Variants in ZC3H12D observed in about 807,000 individuals in gnomAD.
ZC3H12D encodes probable ribonuclease ZC3H12D.
ZC3H12D carries 11 observed loss-of-function variants against 24.2 expected under a neutral mutation model. That is an observed-to-expected ratio of 0.46 (90% confidence interval 0.29 to 0.75). ZC3H12D has a LOEUF of 0.75. Among genes scored for constraint, ZC3H12D ranks in the 30% least tolerant of loss-of-function variants. ZC3H12D has a pLI of 0.11. For synonymous variants in ZC3H12D, 333 were observed against 341.8 expected (o/e 0.97, Z 0.28); for missense variants, 740 against 767.7 (o/e 0.96, Z 0.43).
At chr6:149,459,530 G>A (rs548099729) in intron 3 of ZC3H12D, 2 of 713,722 alleles carry the variant, frequency 2.8e-6, no homozygotes, top group East Asian at 2.7e-5. Context: ...GTGGAGGTGG[G>A]AGCCATTGCC....
Position 149,451,013 on chromosome 6 carries a change from G to A in ZC3H12D, c.1254C>T (p.Arg418=). 1.4e-6 allele frequency: 2 copies of A among 1,466,662 alleles called. No individual in the cohort carries two copies. Among genetic ancestry groups the A allele is most frequent in the Non-Finnish European group, 9.0e-7 (1 of 1,115,308 alleles). 90.9% of individuals were successfully genotyped at this position (1,466,662 alleles called of 1,614,324 possible). A position where few individuals can be genotyped will look rare whatever the true frequency, so the allele number is the denominator to read the frequency against. The change falls in exon 6 of 6, where the codon CGC becomes CGT. Residue 418 remains arginine (R), a synonymous_variant. Coordinates refer to ENST00000409806, the MANE Select transcript of ZC3H12D (RefSeq NM_207360.3). Reference sequence around the variant, plus strand: ...GCAAGTCGCCGTGCAGGTCCCTAGGGCGGTGTTCGCCCCGCGGCTGGAGCT... The same window carrying A: ...GCAAGTCGCCGTGCAGGTCCCTAGGACGGTGTTCGCCCCGCGGCTGGAGCT... ...GLQLQPRGEH[R]PRDLHGDLLS...
At chr6:149,454,655 G>A (rs1040950815) in intron 4 of ZC3H12D, among the ~76,000 whole-genome samples, 6 of 152,256 alleles carry the variant, frequency 3.9e-5, no homozygotes, top group Non-Finnish European at 7.3e-5. Context: ...ACAAGCGGGC[G>A]GCAGGTCCTG....
intron 3 of ZC3H12D, among the ~76,000 whole-genome samples, chr6:149,458,936 C>T (rs1276386428): frequency 6.6e-6 from 1 of 152,166 alleles, no homozygotes; most frequent in Non-Finnish European, 1.5e-5. Context: ...GCCCATCTTT[C>T]TGTTGATTCA....
intron 3 of ZC3H12D, among the ~76,000 whole-genome samples, chr6:149,458,122 TC>T (rs1274165430): frequency 1.5e-3 from 167 of 110,088 alleles, no homozygotes; most frequent in East Asian, 9.3e-3. Flanking sequence ...TTTTTTTTTT[TC>T]GTTTCTTTTT....
chr6:149,466,215 C>A (rs1369707841), intron 2 of ZC3H12D, among the ~76,000 whole-genome samples: 1 of 151,934 alleles, frequency 6.6e-6, no homozygotes. Flanking sequence ...GCAACAGAAC[C>A]CAGTGAGGGC....
chr6:149,461,710 C>T (rs1157339919), intron 3 of ZC3H12D, 121 bp downstream of exon 3: 4 of 1,124,584 alleles, frequency 3.6e-6, no homozygotes, highest in South Asian at 1.6e-5. Context: ...GAGCTTATAG[C>T]GCAGTGAGGA....
Position 149,474,524 on chromosome 6 carries a change from A to G in ZC3H12D, c.20T>C (p.Met7Thr), listed in dbSNP as rs770299749. 43 of 1,536,526 alleles carry G rather than the reference A, an allele frequency of 2.8e-5. No homozygotes were observed. Among genetic ancestry groups the G allele is most frequent in the Non-Finnish European group, 3.4e-5 (38 of 1,134,122 alleles). ...ATAGCCCAGCTTCTGGAAGAATTCC[A>G]TCTTGCTGGGGTGCTCCATGCTGTG... Reference protein sequence around the residue: MEHPSKMEFFQKLGYDR... With the variant: MEHPSKTEFFQKLGYDR... Residue 7 changes from methionine to threonine, a missense_variant, in exon 2 of 6, where the codon ATG becomes ACG. By Grantham distance (81) the Met-to-Thr change is moderately conservative. Transcript: ENST00000409806.
chr6:149,456,616 G>GCCCCCCCCCCCCCC lies in ZC3H12D; in HGVS notation c.680+49_680+50insGGGGGGGGGGGGGG. ...AGGCGTGGCCACTGCCTCGACCCCG[G>GCCCCCCCCCCCCCC]CCCCCCGCCCCGCCGCCCCCCAGGG... is the stretch of plus-strand genomic sequence containing the variant. On this transcript the variant is annotated intron_variant, in intron 4 of 5. Coordinates refer to ENST00000409806, the MANE Select transcript of ZC3H12D (RefSeq NM_207360.3). This position sits in a 1 kb window ranked among gnomAD's most constrained non-coding sequence, Gnocchi z 4.3. The GCCCCCCCCCCCCCC allele has an allele frequency of 8.8e-7, 1 of 1,130,408 alleles. No homozygotes were observed. The allele number at this position is 1,130,408 out of a possible 1,614,324, so 70.0% of individuals were successfully genotyped here. A position where few individuals can be genotyped will look rare whatever the true frequency, so the allele number is the denominator to read the frequency against.
Position 149,456,466 on chromosome 6 carries a change from G to C in ZC3H12D, c.680+200C>G, listed in dbSNP as rs943139507. 6.6e-6 allele frequency among the ~76,000 whole-genome samples: 1 copy of C among 152,058 alleles called. No individual in the cohort carries two copies. The highest frequency in any genetic ancestry group is 2.4e-5 in the African/African-American group (1 of 41,402). ...TGTGGTGTGTCAGATGTGGCCCTGG[G>C]AACAGCAAGGTCAGAGCAAAGCAGC... On this transcript the variant is annotated intron_variant, in intron 4 of 5. Coordinates refer to ENST00000409806, the MANE Select transcript of ZC3H12D (RefSeq NM_207360.3). This position sits in a 1 kb window ranked among gnomAD's most constrained non-coding sequence, Gnocchi z 4.3.
At position 149,450,762 on chromosome 6, in the gene ZC3H12D, G is replaced by T; in HGVS notation, c.1505C>A (p.Pro502Gln). 1 of 1,549,248 alleles carries T rather than the reference G, an allele frequency of 6.5e-7. No individual in the cohort carries two copies. The change falls in exon 6 of 6, where the codon CCG becomes CAG. Residue 502 changes from proline to glutamine, a missense_variant. Coordinates refer to ENST00000409806, the MANE Select transcript of ZC3H12D (RefSeq NM_207360.3). ...GAGCCTGGCGAGGTCTGAGAGCTCC[G>T]GGAACGCGGCCATCACGCGGTCCAC... ...DQVDRVMAAF[P>Q]ELSDLARLIL...
intron 1 of ZC3H12D, among the ~76,000 whole-genome samples, chr6:149,476,799 C>A (rs1776349039): frequency 1.9e-5 from 2 of 104,082 alleles, no homozygotes; most frequent in Non-Finnish European, 3.7e-5. Context: ...CAGAGCAAGA[C>A]CCTGTCTAAA....
At chr6:149,471,609 T>C (rs1776244166) in intron 2 of ZC3H12D, among the ~76,000 whole-genome samples, 1 of 152,230 alleles carries the variant, frequency 6.6e-6, no homozygotes, top group Non-Finnish European at 1.5e-5. Flanking sequence ...GAGAAACACA[T>C]ATATGTACAC....
rs1216586686 is a variant in ZC3H12D, at chr6:149,465,769, G to C, written c.306-3799C>G. ...GACGCCATCTCAAAAAAAAAAAAGG[G>C]GGGGGGAAGAGGAAGCAGATCGCTG... On this transcript the variant is annotated intron_variant, in intron 2 of 5. Transcript: ENST00000409806. 2.6e-3 allele frequency among the ~76,000 whole-genome samples: 287 copies of C among 110,306 alleles called. 1 individual carries two copies. The highest frequency in any genetic ancestry group is 4.9e-3 in the Admixed American group (61 of 12,362). 72.4% of individuals were successfully genotyped at this position (110,306 alleles called of 152,430 possible).
chr6:149,466,704 C>T (rs1179138525), intron 2 of ZC3H12D, among the ~76,000 whole-genome samples: 4 of 151,994 alleles, frequency 2.6e-5, no homozygotes, highest in African/African-American at 7.2e-5. Flanking sequence ...GGTGAAACCC[C>T]GTCTTTACTA....
At chr6:149,481,906 C>T (rs1241711630) in intron 1 of ZC3H12D, among the ~76,000 whole-genome samples, 1 of 152,238 alleles carries the variant, frequency 6.6e-6, no homozygotes, top group African/African-American at 2.4e-5. Context: ...TCTTCGGTTA[C>T]CAAGGAACGG....
At position 149,456,618 on chromosome 6, in the gene ZC3H12D, C is replaced by CCCCCCCCCCCCCCCCCCCCCCGGGGT; in HGVS notation, c.680+47_680+48insACCCCGGGGGGGGGGGGGGGGGGGGG. The CCCCCCCCCCCCCCCCCCCCCCGGGGT allele has an allele frequency of 8.4e-7, 1 of 1,190,564 alleles. No individual in the cohort carries two copies. The highest frequency in any genetic ancestry group is 1.2e-6 in the Non-Finnish European group (1 of 812,086). 73.8% of individuals were successfully genotyped at this position (1,190,564 alleles called of 1,614,324 possible). On this transcript the variant is annotated intron_variant, in intron 4 of 5. Coordinates refer to ENST00000409806, the MANE Select transcript of ZC3H12D (RefSeq NM_207360.3). The surrounding 1 kb of genome is among the most constrained non-coding windows in gnomAD (Gnocchi z 4.3). ...GCGTGGCCACTGCCTCGACCCCGGC[C>CCCCCCCCCCCCCCCCCCCCCCGGGGT]CCCCGCCCCGCCGCCCCCCAGGGTG...
chr6:149,462,063 A>C, intron 2 of ZC3H12D, 93 bp from the exon 3 acceptor site: 1 of 1,443,972 alleles, frequency 6.9e-7, no homozygotes, highest in Non-Finnish European at 9.2e-7. Context: ...TCTCATAATC[A>C]AGAGGGAACC....
In ZC3H12D at chr6:149,451,107, C is replaced by A; in HGVS notation, c.1160G>T (p.Gly387Val). ...DWVSAGGRVP[G>V]PLSLPSPESQ... ...CTCCGGGCTAGGGAGGCTGAGCGGGCCTGGCACCCGGCCGCCCGCGGACAC... is the reference window on the plus strand; with the variant it reads ...CTCCGGGCTAGGGAGGCTGAGCGGGACTGGCACCCGGCCGCCCGCGGACAC... Residue 387 changes from glycine (G) to valine (V), a missense_variant, in exon 6 of 6, where the codon GGC becomes GTC. Physicochemically the swap from Gly to Val is moderately radical, Grantham distance 109 (BLOSUM62 -3). Transcript: ENST00000409806. 1 of 1,354,326 alleles carries A rather than the reference C, an allele frequency of 7.4e-7. No homozygotes were observed. Among genetic ancestry groups the A allele is most frequent in the Non-Finnish European group, 9.4e-7 (1 of 1,058,882 alleles). 83.9% of individuals were successfully genotyped at this position (1,354,326 alleles called of 1,614,324 possible). A position where few individuals can be genotyped will look rare whatever the true frequency, so the allele number is the denominator to read the frequency against.
chr6:149,458,396 A>C (rs1207487736), intron 3 of ZC3H12D, among the ~76,000 whole-genome samples: 1 of 151,656 alleles, frequency 6.6e-6, no homozygotes, highest in African/African-American at 2.4e-5. Context: ...CAACCTCCCA[A>C]AGTGCTGGGA....
Sources: gnomAD v4.1 joint callset for allele counts (sites outside exome capture counted in the v4.1 genomes callset) on GRCh38, gnomAD v4.1.1 for gene constraint, Gnocchi (gnomAD v3.1) non-coding constraint, MANE v1.5 for transcripts, NCBI Gene and HGNC (gene_info 2026-07-23, HGNC 2026-07-21) for gene names.